RCSD1: variants seen among roughly 807,000 people sequenced by gnomAD.
The protein encoded by RCSD1 is capZ-interacting protein.
Under a neutral mutation model 42.5 loss-of-function variants are expected in RCSD1, and 26 were observed. The observed-to-expected ratio is 0.61, with a 90% CI of 0.45 to 0.85. The LOEUF (loss-of-function observed/expected upper bound fraction) is 0.85, where lower values mean the gene tolerates loss of function less well. Ranked by LOEUF, RCSD1 falls within the 40% of genes least tolerant of loss-of-function variation. The pLI is 0.00. For synonymous variants in RCSD1, 220 were observed against 212.2 expected (o/e 1.04, Z -0.32); for missense variants, 571 against 528.3 (o/e 1.08, Z -0.79).
chr1:167,656,952 G>A (rs1298425565), intron 1 of RCSD1, among the ~76,000 whole-genome samples: 7 of 152,222 alleles, frequency 4.6e-5, no homozygotes, highest in African/African-American at 1.7e-4. Flanking sequence ...AGGGAGGATA[G>A]CTGTGTCTTG....
chr1:167,644,512 C>A lies in RCSD1; in HGVS notation c.6+14083C>A, dbSNP rs553105434. On this transcript the variant is annotated intron_variant, in intron 1 of 6. Coordinates refer to ENST00000367854, the MANE Select transcript of RCSD1 (RefSeq NM_052862.4). ...AAATACATACATACATACATACATA[C>A]ATACATACATACATACATACATACA... Among the ~76,000 whole-genome samples, 24 of 151,978 alleles carry A rather than the reference C, an allele frequency of 1.6e-4. No homozygotes were observed. In the South Asian group the frequency reaches 3.7e-3, roughly 24 times the overall value.
intron 1 of RCSD1, among the ~76,000 whole-genome samples, chr1:167,634,991 GTGTT>G (rs1571664641): frequency 6.6e-6 from 1 of 151,950 alleles, no homozygotes; most frequent in South Asian, 2.1e-4. Context: ...TGTATATAAT[GTGTT>G]TGTTTTGTGA....
At chr1:167,678,714 G>C (rs1165908022) in intron 1 of RCSD1, among the ~76,000 whole-genome samples, 1 of 152,096 alleles carries the variant, frequency 6.6e-6, no homozygotes, top group Non-Finnish European at 1.5e-5. Flanking sequence ...CATCCTGCTG[G>C]TTCAAGATAA....
chr1:167,634,132 G>T (rs115771882), intron 1 of RCSD1, among the ~76,000 whole-genome samples: 126 of 152,280 alleles, frequency 8.3e-4, no homozygotes, highest in Non-Finnish European at 1.6e-3. Flanking sequence ...TCCCCTCTCG[G>T]TCTGTAGCTC....
intron 1 of RCSD1, among the ~76,000 whole-genome samples, chr1:167,656,168 C>T (rs781043516): frequency 2.5e-4 from 38 of 152,090 alleles, no homozygotes; most frequent in Admixed American, 3.3e-4. Context: ...TAAGAAACTA[C>T]GGCTCAGGAT....
Position 167,645,764 on chromosome 1 carries a change from C to T in RCSD1, c.6+15335C>T, listed in dbSNP as rs145791507. ...ACCCACATGTGTGGGTGTGGGTGCA[C>T]ATGTGTGTGCACAGCAGATGGGGAG... On this transcript the variant is annotated intron_variant, in intron 1 of 6. Coordinates refer to ENST00000367854, the MANE Select transcript of RCSD1 (RefSeq NM_052862.4). 1.2e-4 allele frequency among the ~76,000 whole-genome samples: 19 copies of T among 152,210 alleles called. No individual in the cohort carries two copies. In the East Asian group the frequency reaches 3.7e-3, roughly 29 times the overall value.
At chr1:167,636,918 C>T (rs1405384579) in intron 1 of RCSD1, among the ~76,000 whole-genome samples, 2 of 152,210 alleles carry the variant, frequency 1.3e-5, no homozygotes, top group Non-Finnish European at 2.9e-5. Flanking sequence ...TAAGCACACA[C>T]TGAGCCCTTA....
chr1:167,637,929 A>C (rs1001429671), intron 1 of RCSD1, among the ~76,000 whole-genome samples: 2 of 152,226 alleles, frequency 1.3e-5, no homozygotes, highest in Admixed American at 6.5e-5. Context: ...AACCACATGC[A>C]TCAGCCCAAA....
chr1:167,677,556 G>A (rs1420772407), intron 1 of RCSD1, among the ~76,000 whole-genome samples: 1 of 152,238 alleles, frequency 6.6e-6, no homozygotes, highest in Non-Finnish European at 1.5e-5. Flanking sequence ...TTTTTAAAAG[G>A]TGTGGGTAGA....
At position 167,634,516 on chromosome 1, in the gene RCSD1, A is replaced by T. The variant is rs573159580; in HGVS notation, c.6+4087A>T. Among the ~76,000 whole-genome samples, 9 of 152,322 alleles carry T rather than the reference A, an allele frequency of 5.9e-5. No homozygotes were observed. The South Asian group carries it at 1.9e-3, about 32-fold the overall frequency. ...TCTAGAAGAGATAATAGGTAATGCTATTGTGGATAGGAACCCAGAGGACAG... is the reference window on the plus strand; with the variant it reads ...TCTAGAAGAGATAATAGGTAATGCTTTTGTGGATAGGAACCCAGAGGACAG... On this transcript the variant is annotated intron_variant, in intron 1 of 6. Coordinates refer to ENST00000367854, the MANE Select transcript of RCSD1 (RefSeq NM_052862.4).
intron 1 of RCSD1, among the ~76,000 whole-genome samples, chr1:167,680,256 G>A (rs1659046324): frequency 6.6e-6 from 1 of 151,958 alleles, no homozygotes; most frequent in Non-Finnish European, 1.5e-5. Flanking sequence ...ACAAGCTGAA[G>A]TCAAGGCAAT....
chr1:167,697,994 G>C, intron 6 of RCSD1, 152 bp downstream of exon 6: 1 of 1,037,048 alleles, frequency 9.6e-7, no homozygotes, highest in Non-Finnish European at 1.3e-6. Flanking sequence ...ACTTGTTGGA[G>C]AAAGGCTGTC....
At chr1:167,702,989 A>G (rs1480686031) in intron 6 of RCSD1, among the ~76,000 whole-genome samples, 1 of 152,138 alleles carries the variant, frequency 6.6e-6, no homozygotes, top group Non-Finnish European at 1.5e-5. Context: ...GCCTGATTCA[A>G]TTGCTTTCCA....
rs1421612848 is a variant in RCSD1, at chr1:167,705,174, T to C, written c.*478T>C. ...TTCTCAAATATCAGTTAAAAACTAA[T>C]TTTAGGTGGCCATAAACATAAAATA... On this transcript the variant is annotated 3_prime_UTR_variant, in exon 7 of 7. Coordinates refer to ENST00000367854, the MANE Select transcript of RCSD1 (RefSeq NM_052862.4). The C allele has an allele frequency of 6.5e-6, 1 of 153,426 alleles. No individual in the cohort carries two copies. Among genetic ancestry groups the C allele is most frequent in the South Asian group, 2.0e-4 (1 of 4,906 alleles). 9.5% of individuals were successfully genotyped at this position (153,426 alleles called of 1,614,324 possible). A position where few individuals can be genotyped will look rare whatever the true frequency, so the allele number is the denominator to read the frequency against.
At chr1:167,671,189 A>G (rs2102221862) in intron 1 of RCSD1, among the ~76,000 whole-genome samples, 1 of 152,308 alleles carries the variant, frequency 6.6e-6, no homozygotes, top group African/African-American at 2.4e-5. Context: ...AGTTCATTCA[A>G]TAAACTCCAC....
At chr1:167,689,319 T>C (rs1172378210) in intron 3 of RCSD1, among the ~76,000 whole-genome samples, 1 of 151,942 alleles carries the variant, frequency 6.6e-6, no homozygotes, top group Non-Finnish European at 1.5e-5. Flanking sequence ...CTGTCTCTAC[T>C]AAAAATACAA....
chr1:167,683,927 G>A lies in RCSD1; in HGVS notation c.34G>A (p.Val12Met). The change falls in exon 2 of 7, where the codon GTG becomes ATG. Residue 12 changes from valine (V) to methionine (M), a missense_variant. Physicochemically the swap from Val to Met is conservative, Grantham distance 21. Coordinates refer to ENST00000367854, the MANE Select transcript of RCSD1 (RefSeq NM_052862.4). The stretch of plus-strand genomic sequence containing the variant: ...AAGACCGGCAGAGACCAATGCCAAT[G>A]TGGACAACTCGGCGTCCCCCTCGGT... ...EERPAETNAN[V>M]DNSASPSVAQ... The A allele has an allele frequency of 1.2e-6, 2 of 1,614,224 alleles. No homozygotes were observed. Among genetic ancestry groups the A allele is most frequent in the Non-Finnish European group, 1.7e-6 (2 of 1,180,038 alleles).
intron 2 of RCSD1, 38 bp downstream of exon 2, chr1:167,684,039 G>C (rs377306364): frequency 1.5e-5 from 23 of 1,538,792 alleles, no homozygotes; most frequent in Middle Eastern, 3.4e-4. Flanking sequence ...CTTCAGCAGC[G>C]GGCAGGAGGA....
chr1:167,703,260 A>G (rs942692479), intron 6 of RCSD1, among the ~76,000 whole-genome samples: 1 of 152,080 alleles, frequency 6.6e-6, no homozygotes, highest in Non-Finnish European at 1.5e-5. Flanking sequence ...CTTGCCAGAG[A>G]TCCCTCTGTC....
Sources: allele counts gnomAD v4.1 joint callset (sites outside exome capture counted in the v4.1 genomes callset), GRCh38; gene constraint gnomAD v4.1.1; transcripts MANE v1.5; gene names NCBI Gene and HGNC (gene_info 2026-07-23, HGNC 2026-07-21).